Variants in LIMS1 observed in about 807,000 individuals in gnomAD.
LIMS1 encodes LIM zinc finger domain containing 1.
In LIMS1, 18 loss-of-function variants were observed where a neutral mutation model predicts 44.1. The ratio of observed to expected loss-of-function variants is 0.41; its 90% confidence interval spans 0.28 to 0.61. The LOEUF is 0.61. LIMS1 is among the 20% of genes least tolerant of loss of function. The probability of loss-of-function intolerance (pLI) is 0.32; values close to 1 mark genes in which losing one functional copy is unlikely to be tolerated. For missense variants in LIMS1, 201 were observed against 422.0 expected (o/e 0.48, Z 4.59); for synonymous variants, 93 against 149.1 (o/e 0.62, Z 2.74).
intron 1 of LIMS1, among the ~76,000 whole-genome samples, chr2:108,643,033 A>G (rs1689815388): frequency 6.6e-6 from 1 of 152,226 alleles, no homozygotes; most frequent in Admixed American, 6.5e-5. Context: ...GTAGATGATC[A>G]GAAAATGACA....
chr2:108,676,108 A>C, intron 6 of LIMS1, 80 bp downstream of exon 6: 1 of 1,468,666 alleles, frequency 6.8e-7, no homozygotes, highest in South Asian at 1.4e-5. Context: ...CAGATCTCCC[A>C]TGATTCAGGG....
At chr2:108,546,636 C>G (rs919787588) in intron 1 of LIMS1, among the ~76,000 whole-genome samples, 1 of 150,148 alleles carries the variant, frequency 6.7e-6, no homozygotes, top group African/African-American at 2.4e-5. Flanking sequence ...CCAGCAGAGC[C>G]TAGTGGATCA....
intron 2 of LIMS1, among the ~76,000 whole-genome samples, chr2:108,670,347 A>G (rs826685): frequency 0.83 from 121,775 of 147,268 alleles, 50,891 homozygotes; most frequent in East Asian, 0.99. Context: ...CAATGTGCTA[A>G]AATATTTGCC....
chr2:108,633,644 C>T (rs981250655), intron 1 of LIMS1, among the ~76,000 whole-genome samples: 1 of 152,076 alleles, frequency 6.6e-6, no homozygotes, highest in Admixed American at 6.5e-5. Flanking sequence ...ATTGTTCTGT[C>T]TTATGCTTTA....
At chr2:108,593,934 G>T (rs556015817) in intron 1 of LIMS1, among the ~76,000 whole-genome samples, 32 of 152,312 alleles carry the variant, frequency 2.1e-4, no homozygotes, top group Middle Eastern at 3.4e-3. Context: ...TGAGACCCTA[G>T]TGGTAAGTAA....
intron 1 of LIMS1, among the ~76,000 whole-genome samples, chr2:108,552,240 CTATATATACTATATATACTACACGTATAG>C (rs1377511991): frequency 1.9e-4 from 27 of 138,772 alleles, no homozygotes; most frequent in Admixed American, 5.1e-4. Context: ...GTTATATATA[CTATATATACTATATATACTACACGTATAG>C]TATATATATG....
chr2:108,563,892 C>T (rs1234216423), intron 1 of LIMS1, among the ~76,000 whole-genome samples: 4 of 151,718 alleles, frequency 2.6e-5, no homozygotes, highest in African/African-American at 7.3e-5. Context: ...GATCCTGTCT[C>T]TACAAAAATA....
chr2:108,560,478 G>A (rs981639754), intron 1 of LIMS1, among the ~76,000 whole-genome samples: 1 of 151,800 alleles, frequency 6.6e-6, no homozygotes, highest in African/African-American at 2.4e-5. Flanking sequence ...ACTCACCAGC[G>A]GGGCTTCCAT....
At chr2:108,551,927 A>ATG (rs1684746502) in intron 1 of LIMS1, among the ~76,000 whole-genome samples, 1 of 105,994 alleles carries the variant, frequency 9.4e-6, no homozygotes, top group African/African-American at 3.3e-5. Flanking sequence ...ATATGTGTAT[A>ATG]TATGTGTGTG....
At chr2:108,608,057 C>A (rs1168891064) in intron 1 of LIMS1, among the ~76,000 whole-genome samples, 1 of 152,314 alleles carries the variant, frequency 6.6e-6, no homozygotes, top group South Asian at 2.1e-4. Context: ...CTACCACCCA[C>A]CTCAAGAAAT....
chr2:108,675,889 C>T (rs1377141741), exon 6 of LIMS1: 2 of 1,613,970 alleles, frequency 1.2e-6, no homozygotes, highest in East Asian at 2.2e-5. Flanking sequence ...AAGGAGCTGA[C>T]TGCCGATGCA....
chr2:108,567,061 C>T (rs1003430686), intron 1 of LIMS1, among the ~76,000 whole-genome samples: 2 of 152,182 alleles, frequency 1.3e-5, no homozygotes, highest in Admixed American at 6.5e-5. Flanking sequence ...GTTCTACTTT[C>T]AATGTCTATA....
intron 1 of LIMS1, among the ~76,000 whole-genome samples, chr2:108,538,848 G>A (rs1398246805): frequency 6.6e-6 from 1 of 152,118 alleles, no homozygotes; most frequent in Admixed American, 6.5e-5. Context: ...CTGAAACTCT[G>A]TGACCAGTAA....
At chr2:108,602,190 G>GT (rs1244259639) in intron 1 of LIMS1, among the ~76,000 whole-genome samples, 1 of 152,154 alleles carries the variant, frequency 6.6e-6, no homozygotes, top group African/African-American at 2.4e-5. Flanking sequence ...AACTCTAATA[G>GT]TTTTTTGGTG....
chr2:108,592,039 C>T (rs1385171007), intron 1 of LIMS1, among the ~76,000 whole-genome samples: 1 of 152,096 alleles, frequency 6.6e-6, no homozygotes, highest in South Asian at 2.1e-4. Flanking sequence ...AGGTGATCCA[C>T]GTGCCTCGGC....
chr2:108,657,287 A>C (rs1299672979), intron 1 of LIMS1, among the ~76,000 whole-genome samples: 1 of 151,160 alleles, frequency 6.6e-6, no homozygotes, highest in African/African-American at 2.4e-5. Context: ...GATCCAGGAC[A>C]TTCTAGAATA....
chr2:108,674,741 G>C (rs1692406105), intron 5 of LIMS1, among the ~76,000 whole-genome samples: 1 of 138,914 alleles, frequency 7.2e-6, no homozygotes, highest in Admixed American at 7.5e-5. Context: ...AAAAAAAAGA[G>C]AAAGAAAGAA....
At chr2:108,672,116 G>A (rs1194428600) in intron 3 of LIMS1, among the ~76,000 whole-genome samples, 3 of 145,734 alleles carry the variant, frequency 2.1e-5, no homozygotes, top group South Asian at 2.1e-4. Flanking sequence ...GCAGTGAGTC[G>A]AGATGGTGCC....
chr2:108,627,286 A>G (rs1173569793), intron 1 of LIMS1, among the ~76,000 whole-genome samples: 1 of 152,144 alleles, frequency 6.6e-6, no homozygotes, highest in East Asian at 1.9e-4. Flanking sequence ...GCAATGTATG[A>G]CTAGTAGAGG....
Sources: gnomAD v4.1 joint callset for allele counts (sites outside exome capture counted in the v4.1 genomes callset) on GRCh38, gnomAD v4.1.1 for gene constraint, MANE v1.5 for transcripts, NCBI Gene and HGNC (gene_info 2026-07-23, HGNC 2026-07-21) for gene names.